Variants in PLPPR4 observed in about 807,000 individuals in gnomAD.
PLPPR4 encodes the protein phospholipid phosphatase-related protein type 4.
A neutral mutation model predicts 56.6 loss-of-function variants in PLPPR4; 24 were observed. The ratio of observed to expected loss-of-function variants is 0.42; its 90% CI spans 0.31 to 0.60. The LOEUF is 0.60. Among genes scored for constraint, PLPPR4 ranks in the 20% least tolerant of loss-of-function variants. PLPPR4 has a pLI of 0.13. For synonymous variants in PLPPR4, 326 were observed against 328.1 expected, an observed-to-expected ratio of 0.99 and a Z score of 0.07; for missense variants, 654 against 885.8, an observed-to-expected ratio of 0.74 and a Z score of 3.32.
intron 1 of PLPPR4, among the ~76,000 whole-genome samples, chr1:99,274,110 T>C (rs917293076): frequency 2.0e-5 from 3 of 152,128 alleles, no homozygotes; most frequent in African/African-American, 7.2e-5. Flanking sequence ...AAGGTGCATA[T>C]ACCAGCAAAC....
chr1:99,299,007 G>A, intron 3 of PLPPR4, 28 bp from the exon 4 acceptor site: 2 of 1,537,160 alleles, frequency 1.3e-6, no homozygotes, highest in South Asian at 1.1e-5. Context: ...CACCAACTTG[G>A]TAACAATTTC....
intron 1 of PLPPR4, among the ~76,000 whole-genome samples, chr1:99,276,490 A>G (rs886248586): frequency 3.9e-5 from 6 of 152,120 alleles, no homozygotes; most frequent in African/African-American, 1.4e-4. Flanking sequence ...AGAAACACTG[A>G]TGGTCTTTAA....
In PLPPR4 at chr1:99,288,149, C is replaced by T. The variant is rs145727766; in HGVS notation, c.263C>T (p.Thr88Met). 45 of 1,612,516 alleles carry T rather than the reference C, an allele frequency of 2.8e-5. No individual in the cohort carries two copies. Among genetic ancestry groups the T allele is most frequent in the Admixed American group, 8.4e-5 (5 of 59,880 alleles). Residue 88 changes from threonine to methionine, a missense_variant and splice_region_variant, in exon 2 of 7, where the codon ACG becomes ATG. Thr to Met is a moderately conservative substitution (Grantham distance 81, BLOSUM62 -1). This residue lies in a region of PLPPR4 where 186 missense variants were observed against 331.4 expected (regional missense o/e 0.56). Coordinates refer to ENST00000370185, the MANE Select transcript of PLPPR4 (RefSeq NM_014839.5). ...TTGGCTTTTGCTGGACCTGCAATTA[C>T]GGTAAGAATTACCCCCAAAATTGTG... ...LSLAFAGPAI[T>M]IMVGEGILYC...
rs756954985 is a variant in PLPPR4, at chr1:99,264,531, C to A, written c.-63C>A. 5.2e-5 allele frequency: 81 copies of A among 1,550,824 alleles called. No homozygotes were observed. Among genetic ancestry groups the A allele is most frequent in the Non-Finnish European group, 6.9e-5 (79 of 1,147,598 alleles). ...GCGCTTGGGGCTGGAGGAGGCAGCT[C>A]GCCTCAGCTGCGCTGTGCACACCTC... On this transcript the variant is annotated 5_prime_UTR_variant, in exon 1 of 7. Transcript: ENST00000370185.
intron 1 of PLPPR4, among the ~76,000 whole-genome samples, chr1:99,276,442 CTTTAT>C (rs938627012): frequency 5.9e-5 from 9 of 151,996 alleles, no homozygotes; most frequent in Non-Finnish European, 1.0e-4. Context: ...AAAATTGATA[CTTTAT>C]TTTAATAAAC....
chr1:99,293,203 T>A (rs1474473744), intron 2 of PLPPR4, among the ~76,000 whole-genome samples: 1 of 152,142 alleles, frequency 6.6e-6, no homozygotes, highest in African/African-American at 2.4e-5. Flanking sequence ...AATAAAAAGA[T>A]CGGCTGATTT....
intron 1 of PLPPR4, among the ~76,000 whole-genome samples, chr1:99,266,200 C>G (rs1658892760): frequency 6.6e-6 from 1 of 152,200 alleles, no homozygotes; most frequent in African/African-American, 2.4e-5. Context: ...TGTCGCATGG[C>G]TAATCCGTGT....
chr1:99,289,747 C>T (rs940341934), intron 2 of PLPPR4, among the ~76,000 whole-genome samples: 1 of 152,028 alleles, frequency 6.6e-6, no homozygotes, highest in African/African-American at 2.4e-5. Flanking sequence ...ATTTGACATA[C>T]CTTCATGTTA....
chr1:99,272,926 A>T (rs182851432), intron 1 of PLPPR4, among the ~76,000 whole-genome samples: 4 of 152,242 alleles, frequency 2.6e-5, no homozygotes, highest in Admixed American at 2.6e-4. Context: ...ACTTGCCTAA[A>T]ACTCAAGTAG....
At chr1:99,274,977 G>T (rs1168868610) in intron 1 of PLPPR4, among the ~76,000 whole-genome samples, 1 of 152,108 alleles carries the variant, frequency 6.6e-6, no homozygotes, top group African/African-American at 2.4e-5. Flanking sequence ...TTGGGAATGA[G>T]TCATCTCATT....
chr1:99,271,896 T>G, intron 1 of PLPPR4, among the ~76,000 whole-genome samples: 1 of 104,152 alleles, frequency 9.6e-6, no homozygotes, highest in African/African-American at 4.4e-5. Context: ...AAGGTAGGAG[T>G]GAAGTGTGTG....
At chr1:99,299,976 C>T (rs1328559995) in intron 4 of PLPPR4, among the ~76,000 whole-genome samples, 4 of 151,906 alleles carry the variant, frequency 2.6e-5, no homozygotes, top group East Asian at 1.9e-4. Flanking sequence ...CAATAAGTTG[C>T]CAAATATTGA....
chr1:99,299,407 A>G (rs938992322), intron 4 of PLPPR4, among the ~76,000 whole-genome samples, 177 bp downstream of exon 4: 5 of 152,068 alleles, frequency 3.3e-5, no homozygotes, highest in Non-Finnish European at 7.4e-5. Context: ...CTTATTCCAA[A>G]TTCTTCTCTA....
rs764094108 is a variant in PLPPR4 at position 99,296,774 on chromosome 1, T to C, written c.301T>C (p.Ser101Pro). ...VGEGILYCCL[S>P]KRRNGVGLEP... ...AGAAGGAATTCTCTACTGTTGCCTC[T>C]CCAAAAGAAGAAATGGGGTCGGACT... The change falls in exon 3 of 7, where the codon TCC becomes CCC. Residue 101 changes from serine (S) to proline (P), a missense_variant. Coordinates refer to ENST00000370185, the MANE Select transcript of PLPPR4 (RefSeq NM_014839.5). 9 of 1,605,866 alleles carry C rather than the reference T, an allele frequency of 5.6e-6. No homozygotes were observed. The South Asian group carries it at 1.0e-4, about 18-fold the overall frequency.
chr1:99,294,755 C>CTATTG (rs1189265486), intron 2 of PLPPR4, among the ~76,000 whole-genome samples: 3 of 150,828 alleles, frequency 2.0e-5, no homozygotes, highest in Non-Finnish European at 4.4e-5. Context: ...GAGATAATGA[C>CTATTG]TATTGTATTG....
chr1:99,264,570 C>A lies in PLPPR4; in HGVS notation c.-24C>A, dbSNP rs1185206362. The A allele has an allele frequency of 6.4e-7, 1 of 1,550,942 alleles. No homozygotes were observed. The highest frequency in any genetic ancestry group is 2.4e-5 in the East Asian group (1 of 40,944). Reference sequence around the variant, plus strand: ...TGTGCACACCTCGCCCGGGGGAGGACGCAGACCCGGGCAGGCGGCAGGGAT... The same window carrying A: ...TGTGCACACCTCGCCCGGGGGAGGAAGCAGACCCGGGCAGGCGGCAGGGAT... On this transcript the variant is annotated 5_prime_UTR_variant, in exon 1 of 7. Transcript: ENST00000370185.
intron 4 of PLPPR4, among the ~76,000 whole-genome samples, chr1:99,299,992 G>T (rs903699334): frequency 3.7e-4 from 56 of 152,056 alleles, no homozygotes; most frequent in African/African-American, 1.3e-3. Flanking sequence ...ATTGACTAAA[G>T]AGTCAAAAAT....
chr1:99,286,051 C>CA (rs1202649493), intron 1 of PLPPR4, among the ~76,000 whole-genome samples: 1 of 152,140 alleles, frequency 6.6e-6, no homozygotes, highest in Non-Finnish European at 1.5e-5. Context: ...CAATTAAACA[C>CA]AAAAATGGTA....
intron 3 of PLPPR4, among the ~76,000 whole-genome samples, chr1:99,297,422 A>G (rs1659770780): frequency 6.6e-6 from 1 of 152,106 alleles, no homozygotes; most frequent in South Asian, 2.1e-4. Context: ...CAGCATCTGA[A>G]TCAAACCAGT....
Sources: allele counts gnomAD v4.1 joint callset (sites outside exome capture counted in the v4.1 genomes callset), GRCh38; gene constraint gnomAD v4.1.1; regional missense constraint gnomAD v4.1.1; transcripts MANE v1.5; gene names NCBI Gene and HGNC (gene_info 2026-07-23, HGNC 2026-07-21).